AGBL4: variants seen among roughly 807,000 people sequenced by gnomAD.
AGBL4 encodes the protein cytosolic carboxypeptidase 6.
Under a neutral mutation model 66.4 loss-of-function variants are expected in AGBL4, and 58 were observed. The observed-to-expected ratio is 0.87, with a 90% CI of 0.71 to 1.09. The LOEUF is 1.09. Among genes scored for constraint, AGBL4 ranks in the 50% least tolerant of loss-of-function variants. The pLI is 0.00. For synonymous variants in AGBL4, 234 were observed against 222.9 expected (o/e 1.05, Z -0.44); for missense variants, 579 against 631.0 (o/e 0.92, Z 0.88).
chr1:48,658,641 A>G (rs1314533778), intron 7 of AGBL4, among the ~76,000 whole-genome samples: 1 of 152,204 alleles, frequency 6.6e-6, no homozygotes. Flanking sequence ...CCCCGTCACA[A>G]ACGCTTAGTG....
At chr1:48,565,333 G>A (rs924781580) in intron 11 of AGBL4, among the ~76,000 whole-genome samples, 10 of 152,040 alleles carry the variant, frequency 6.6e-5, no homozygotes, top group East Asian at 5.8e-4. Context: ...TCTCCCTACC[G>A]CCAACATAAA....
intron 5 of AGBL4, among the ~76,000 whole-genome samples, chr1:48,877,207 G>T (rs1197564734): frequency 6.6e-6 from 1 of 152,160 alleles, no homozygotes; most frequent in Non-Finnish European, 1.5e-5. Context: ...ATAAAAACTT[G>T]TCAAAGAAAG....
At chr1:49,900,799 T>G (rs1649690376) in intron 1 of AGBL4, among the ~76,000 whole-genome samples, 1 of 152,234 alleles carries the variant, frequency 6.6e-6, no homozygotes, top group South Asian at 2.1e-4. Flanking sequence ...GACACTGCTC[T>G]GATATATACT....
intron 2 of AGBL4, among the ~76,000 whole-genome samples, chr1:49,710,606 A>G (rs1159278157): frequency 6.6e-6 from 1 of 151,710 alleles, no homozygotes; most frequent in Non-Finnish European, 1.5e-5. Context: ...AAAAATGAAT[A>G]AATAATTTAA....
chr1:49,581,702 A>C (rs1022591179), intron 3 of AGBL4, among the ~76,000 whole-genome samples: 1 of 151,942 alleles, frequency 6.6e-6, no homozygotes, highest in Non-Finnish European at 1.5e-5. Flanking sequence ...TGCCAGATGG[A>C]CCCTTCAGGT....
At chr1:49,514,827 T>C (rs912797000) in intron 3 of AGBL4, among the ~76,000 whole-genome samples, 7 of 152,116 alleles carry the variant, frequency 4.6e-5, no homozygotes, top group African/African-American at 1.7e-4. Context: ...GAAAACTGGC[T>C]AGCCATATGT....
At chr1:50,000,965 G>T (rs1557651848) in intron 1 of AGBL4, among the ~76,000 whole-genome samples, 1 of 152,016 alleles carries the variant, frequency 6.6e-6, no homozygotes, top group East Asian at 1.9e-4. Context: ...AGAGTATGCT[G>T]CTTGGGTGAT....
At chr1:49,243,699 A>T (rs1651415072) in intron 4 of AGBL4, among the ~76,000 whole-genome samples, 1 of 151,772 alleles carries the variant, frequency 6.6e-6, no homozygotes. Flanking sequence ...AGTCCTATGA[A>T]GTAAAAAAAA....
At chr1:49,965,496 C>T (rs1436156113) in intron 1 of AGBL4, among the ~76,000 whole-genome samples, 1 of 152,176 alleles carries the variant, frequency 6.6e-6, no homozygotes, top group Non-Finnish European at 1.5e-5. Context: ...TCCCCAAATA[C>T]ATTTAATTGG....
intron 6 of AGBL4, among the ~76,000 whole-genome samples, chr1:48,673,031 G>C (rs1324755165): frequency 6.6e-6 from 1 of 152,126 alleles, no homozygotes; most frequent in Non-Finnish European, 1.5e-5. Flanking sequence ...GTAAGACTCT[G>C]AGCTGGAATT....
At chr1:49,500,503 T>C (rs1034022867) in intron 3 of AGBL4, among the ~76,000 whole-genome samples, 2 of 152,028 alleles carry the variant, frequency 1.3e-5, no homozygotes, top group South Asian at 2.1e-4. Context: ...AGAATTTTTA[T>C]AGTTTCACAT....
intron 3 of AGBL4, among the ~76,000 whole-genome samples, chr1:49,486,729 AT>A (rs1424792422): frequency 2.6e-5 from 4 of 152,066 alleles, no homozygotes; most frequent in African/African-American, 4.8e-5. Flanking sequence ...GTAAGTAATC[AT>A]TCCTCACATG....
At chr1:48,550,127 C>G (rs1644227586) in intron 11 of AGBL4, among the ~76,000 whole-genome samples, 1 of 151,912 alleles carries the variant, frequency 6.6e-6, no homozygotes, top group Non-Finnish European at 1.5e-5. Context: ...TCCAATCCAT[C>G]ACAGAATGAA....
At chr1:49,716,687 T>A (rs1292927985) in intron 2 of AGBL4, among the ~76,000 whole-genome samples, 1 of 152,096 alleles carries the variant, frequency 6.6e-6, no homozygotes, top group East Asian at 1.9e-4. Context: ...CACATGATTA[T>A]CTCAATAGAT....
chr1:49,524,383 A>G (rs1650496716), intron 3 of AGBL4, among the ~76,000 whole-genome samples: 1 of 152,106 alleles, frequency 6.6e-6, no homozygotes, highest in Non-Finnish European at 1.5e-5. Flanking sequence ...TCTGAACAAA[A>G]GTAGTCTTCA....
At chr1:49,325,956 G>A (rs899714567) in intron 3 of AGBL4, among the ~76,000 whole-genome samples, 2 of 152,154 alleles carry the variant, frequency 1.3e-5, no homozygotes, top group African/African-American at 4.8e-5. Flanking sequence ...AGCTTTCTGA[G>A]GCCCCCTGAG....
At position 48,807,376 on chromosome 1, in the gene AGBL4, A is replaced by T. The variant is rs1285635558; in HGVS notation, c.634+59815T>A. Among the ~76,000 whole-genome samples, 7 of 152,322 alleles carry T rather than the reference A, an allele frequency of 4.6e-5. No individual in the cohort carries two copies. In the East Asian group the frequency reaches 1.3e-3, roughly 29 times the overall value. ...TTTGCTGCCATGCTTTGCTTTTCTT[A>T]TAACAGGCTGAGGTGATGCAAATTA... On this transcript the variant is annotated intron_variant, in intron 6 of 13. Coordinates refer to ENST00000371839, the MANE Select transcript of AGBL4 (RefSeq NM_032785.4).
chr1:49,335,691 G>GT lies in AGBL4; in HGVS notation c.283-89828dup, dbSNP rs1227915022. On this transcript the variant is annotated intron_variant, in intron 3 of 13. Transcript: ENST00000371839. ...CCACCACACCCGGCTAATTTTTTGTGTTTTTAGTAGAGACGGGGTTTCACC... is the reference window on the plus strand; with the variant it reads ...CCACCACACCCGGCTAATTTTTTGTGTTTTTTAGTAGAGACGGGGTTTCACC... Among the ~76,000 whole-genome samples, 6 of 151,898 alleles carry GT rather than the reference G, an allele frequency of 4.0e-5. No homozygotes were observed. The East Asian group carries it at 1.2e-3, about 30-fold the overall frequency.
chr1:49,512,016 T>G (rs1649312414), intron 3 of AGBL4, among the ~76,000 whole-genome samples: 1 of 152,002 alleles, frequency 6.6e-6, no homozygotes, highest in East Asian at 1.9e-4. Flanking sequence ...ATAGGATATG[T>G]AAAATATCTT....
Sources: allele counts gnomAD v4.1 joint callset (sites outside exome capture counted in the v4.1 genomes callset), GRCh38; gene constraint gnomAD v4.1.1; transcripts MANE v1.5; gene names NCBI Gene and HGNC (gene_info 2026-07-23, HGNC 2026-07-21).